The following RIMBP2 variants were observed in gnomAD, a reference collection of about 807,000 sequenced individuals.
RIMBP2 encodes RIMS binding protein 2.
Under a neutral mutation model 118.6 loss-of-function variants are expected in RIMBP2, and 48 were observed. That is an observed-to-expected ratio of 0.40 (90% CI 0.32 to 0.51). The LOEUF is 0.51. Ranked by LOEUF, RIMBP2 falls within the 20% of genes least tolerant of loss-of-function variation. The probability of loss-of-function intolerance (pLI) is 0.41; values close to 1 mark genes in which losing one functional copy is unlikely to be tolerated. For synonymous variants in RIMBP2, 762 were observed against 742.9 expected (o/e 1.03, Z -0.42); for missense variants, 1,551 against 1,768.3 (o/e 0.88, Z 2.20).
At chr12:130,452,111 G>A (rs571497821) in intron 7 of RIMBP2, among the ~76,000 whole-genome samples, 38 of 152,156 alleles carry the variant, frequency 2.5e-4, no homozygotes, top group African/African-American at 8.2e-4. Context: ...ACCAGGATCC[G>A]GGTGTGAAAC....
rs775109464 is a variant in RIMBP2, at chr12:130,414,315, A to C, written c.3239-9T>G. On this transcript the variant is annotated splice_polypyrimidine_tract_variant and intron_variant, in intron 17 of 22. Coordinates refer to ENST00000690449, the MANE Select transcript of RIMBP2 (RefSeq NM_001393629.1). ...GTCTCGCCCGTAATCGTCTGCGAGCAAGTGGGGGTGAAGAACAGAGCGGCA... is the reference window on the plus strand; with the variant it reads ...GTCTCGCCCGTAATCGTCTGCGAGCCAGTGGGGGTGAAGAACAGAGCGGCA... 5 of 1,571,330 alleles carry C rather than the reference A, an allele frequency of 3.2e-6. No homozygotes were observed. Among genetic ancestry groups the C allele is most frequent in the Non-Finnish European group, 4.3e-6 (5 of 1,156,986 alleles).
At chr12:130,438,965 C>A (rs2077771861) in intron 11 of RIMBP2, among the ~76,000 whole-genome samples, 1 of 151,952 alleles carries the variant, frequency 6.6e-6, no homozygotes, top group Non-Finnish European at 1.5e-5. Context: ...CCCCTCATCC[C>A]CCCGCCCGCC....
intron 2 of RIMBP2, among the ~76,000 whole-genome samples, chr12:130,568,874 G>T (rs1593835964): frequency 1.3e-5 from 2 of 152,018 alleles, no homozygotes; most frequent in East Asian, 3.9e-4. Context: ...GGATCCCAGG[G>T]CATTATCCAA....
chr12:130,453,879 C>T (rs1372125166), intron 7 of RIMBP2, among the ~76,000 whole-genome samples: 1 of 152,078 alleles, frequency 6.6e-6, no homozygotes, highest in Non-Finnish European at 1.5e-5. Context: ...CATGGTGAAA[C>T]CCCATCTCTA....
chr12:130,641,721 A>G (rs995643497), intron 1 of RIMBP2, among the ~76,000 whole-genome samples: 18 of 152,106 alleles, frequency 1.2e-4, no homozygotes, highest in Non-Finnish European at 2.5e-4. Flanking sequence ...TGCTGAGAGC[A>G]CTCCGGGAAA....
Position 130,516,853 on chromosome 12 carries a change from T to C in RIMBP2, c.-127+975A>G, listed in dbSNP as rs2051518224. On this transcript the variant is annotated intron_variant, in intron 3 of 22. Transcript: ENST00000690449. Reference sequence around the variant, plus strand: ...AGAGGGCATCACAAGATCACTCCAGTTGCCATAGGGAAAAGACCACAGGAT... The same window carrying C: ...AGAGGGCATCACAAGATCACTCCAGCTGCCATAGGGAAAAGACCACAGGAT... Among the ~76,000 whole-genome samples the C allele has an allele frequency of 2.0e-5, 3 of 152,066 alleles. No individual in the cohort carries two copies. In the South Asian group the frequency reaches 6.2e-4, roughly 32 times the overall value.
At chr12:130,445,642 A>G (rs2078461086) in intron 9 of RIMBP2, among the ~76,000 whole-genome samples, 2 of 152,372 alleles carry the variant, frequency 1.3e-5, no homozygotes, top group South Asian at 4.1e-4. Context: ...AATACAATTT[A>G]GTGAAAACAG....
intron 17 of RIMBP2, among the ~76,000 whole-genome samples, chr12:130,418,518 C>G (rs1215432693): frequency 6.6e-6 from 1 of 152,148 alleles, no homozygotes; most frequent in African/African-American, 2.4e-5. Context: ...AACTTAATGA[C>G]CATGTCAGTG....
At chr12:130,540,923 G>A (rs2054547949) in intron 2 of RIMBP2, among the ~76,000 whole-genome samples, 1 of 152,168 alleles carries the variant, frequency 6.6e-6, no homozygotes, top group African/African-American at 2.4e-5. Context: ...TGAGAGCAAG[G>A]AAGGAGTTCC....
intron 2 of RIMBP2, among the ~76,000 whole-genome samples, chr12:130,571,606 G>C (rs1291375733): frequency 6.6e-6 from 1 of 152,006 alleles, no homozygotes; most frequent in Non-Finnish European, 1.5e-5. Context: ...TTTTAATAGA[G>C]ACGGGGTTTT....
intron 2 of RIMBP2, among the ~76,000 whole-genome samples, chr12:130,519,750 A>G (rs552723502): frequency 1.4e-4 from 21 of 152,330 alleles, no homozygotes; most frequent in African/African-American, 5.1e-4. Context: ...AATAGGGGTT[A>G]GATTATGGGT....
intron 7 of RIMBP2, among the ~76,000 whole-genome samples, 154 bp downstream of exon 7, chr12:130,456,342 G>T (rs773657841): frequency 6.6e-6 from 1 of 152,194 alleles, no homozygotes; most frequent in African/African-American, 2.4e-5. Flanking sequence ...CCACGGCTGT[G>T]AGCAGCCCTG....
At chr12:130,599,071 G>A (rs565409638) in intron 2 of RIMBP2, among the ~76,000 whole-genome samples, 5 of 152,298 alleles carry the variant, frequency 3.3e-5, no homozygotes, top group African/African-American at 1.2e-4. Context: ...TTCCAAAAAT[G>A]GTGATGGAAA....
At chr12:130,573,557 G>A (rs1305214023) in intron 2 of RIMBP2, among the ~76,000 whole-genome samples, 1 of 152,090 alleles carries the variant, frequency 6.6e-6, no homozygotes, top group African/African-American at 2.4e-5. Context: ...TCTGAGCTGG[G>A]TCTAATTAGA....
chr12:130,582,179 C>A (rs1593896499), intron 2 of RIMBP2, among the ~76,000 whole-genome samples: 1 of 152,206 alleles, frequency 6.6e-6, no homozygotes, highest in Non-Finnish European at 1.5e-5. Flanking sequence ...ACAGCAGATG[C>A]CTTTACTCAT....
chr12:130,649,012 A>G (rs2063109775), intron 1 of RIMBP2, among the ~76,000 whole-genome samples: 1 of 145,218 alleles, frequency 6.9e-6, no homozygotes, highest in Non-Finnish European at 1.6e-5. Context: ...CCTGAACACC[A>G]TTTTCATGTG....
At chr12:130,486,985 G>T (rs765523636) in intron 4 of RIMBP2, among the ~76,000 whole-genome samples, 3 of 152,104 alleles carry the variant, frequency 2.0e-5, no homozygotes, top group Non-Finnish European at 4.4e-5. Flanking sequence ...GAGCACAAAG[G>T]CTGCCAACTG....
chr12:130,704,506 C>T (rs1238514534), intron 1 of RIMBP2, among the ~76,000 whole-genome samples: 2 of 152,182 alleles, frequency 1.3e-5, no homozygotes, highest in East Asian at 3.9e-4. Context: ...ACCCGGGAGG[C>T]AGAGGTTGCA....
intron 1 of RIMBP2, among the ~76,000 whole-genome samples, chr12:130,640,580 G>T (rs1249497920): frequency 6.6e-6 from 1 of 152,250 alleles, no homozygotes; most frequent in Non-Finnish European, 1.5e-5. Context: ...CTTACTCAAA[G>T]TGTTCACTGA....
Sources: allele counts gnomAD v4.1 joint callset (sites outside exome capture counted in the v4.1 genomes callset), GRCh38; gene constraint gnomAD v4.1.1; transcripts MANE v1.5; gene names NCBI Gene and HGNC (gene_info 2026-07-23, HGNC 2026-07-21).